Variants in AGAP1 observed in about 807,000 individuals in gnomAD.
The protein encoded by AGAP1 is ArfGAP with GTPase domain, ankyrin repeat and PH domain 1, also known as arf-GAP with GTPase, ANK repeat and PH domain-containing protein 1.
AGAP1 carries 29 observed loss-of-function variants against 105.3 expected under a neutral mutation model. The ratio of observed to expected loss-of-function variants is 0.28; its 90% CI spans 0.21 to 0.38. The LOEUF (loss-of-function observed/expected upper bound fraction) is 0.38. AGAP1 is among the 10% of genes least tolerant of loss of function. The pLI is 1.00. For missense variants in AGAP1, 998 were observed against 1,165.1 expected (o/e 0.86, Z 2.09); for synonymous variants, 509 against 485.9 (o/e 1.05, Z -0.63).
Position 235,578,231 on chromosome 2 carries a change from C to G in AGAP1, c.163+83382C>G, listed in dbSNP as rs372307822. Reference sequence around the variant, plus strand: ...CTGCCACTGTCAGAGCCAGCCTGAGCTCCACGGTGCCCGTCTCCTACCTGC... The same window carrying G: ...CTGCCACTGTCAGAGCCAGCCTGAGGTCCACGGTGCCCGTCTCCTACCTGC... On this transcript the variant is annotated intron_variant, in intron 1 of 17. Coordinates refer to ENST00000304032, the MANE Select transcript of AGAP1 (RefSeq NM_001037131.3). The surrounding 1 kb of genome is among the most constrained non-coding windows in gnomAD (Gnocchi z 4.9). 2.0e-5 allele frequency among the ~76,000 whole-genome samples: 3 copies of G among 152,166 alleles called. No homozygotes were observed. In the South Asian group the frequency reaches 6.2e-4, roughly 32 times the overall value.
chr2:236,095,122 CGTG>C lies in AGAP1; in HGVS notation c.2115-25064_2115-25062del. Among the ~76,000 whole-genome samples the C allele has an allele frequency of 6.7e-6, 1 of 150,172 alleles. No individual in the cohort carries two copies. The highest frequency in any genetic ancestry group is 1.5e-5 in the Non-Finnish European group (1 of 67,752). On this transcript the variant is annotated intron_variant, in intron 16 of 17. Coordinates refer to ENST00000304032, the MANE Select transcript of AGAP1 (RefSeq NM_001037131.3). This position sits in a 1 kb window ranked among gnomAD's most constrained non-coding sequence, Gnocchi z 4.1. ...AAAAAAGTTGTGGGGGCAGGGCAGGCGTGGTGGTTGACGCCTGTAATTCCAACA... is the reference window on the plus strand; with the variant it reads ...AAAAAAGTTGTGGGGGCAGGGCAGGCGTGGTTGACGCCTGTAATTCCAACA...
chr2:235,998,557 A>G (rs969276197), intron 13 of AGAP1, among the ~76,000 whole-genome samples: 14 of 151,082 alleles, frequency 9.3e-5, no homozygotes, highest in African/African-American at 3.4e-4. Flanking sequence ...ATGAGATAAT[A>G]CTTTAAGGCC....
In AGAP1 at chr2:235,753,784, T is replaced by C. The variant is rs77708253; in HGVS notation, c.673+3296T>C. ...GCTACAACTTCCGTGACTATTGCGATTTTTTTGTCCTTAAAATATTTTCAT... is the reference window on the plus strand; with the variant it reads ...GCTACAACTTCCGTGACTATTGCGACTTTTTTGTCCTTAAAATATTTTCAT... On this transcript the variant is annotated intron_variant, in intron 6 of 17. Coordinates refer to ENST00000304032, the MANE Select transcript of AGAP1 (RefSeq NM_001037131.3). The surrounding 1 kb of genome is among the most constrained non-coding windows in gnomAD (Gnocchi z 4.5). 6.6e-6 allele frequency among the ~76,000 whole-genome samples: 1 copy of C among 151,540 alleles called. No individual in the cohort carries two copies. The highest frequency in any genetic ancestry group is 2.4e-5 in the African/African-American group (1 of 40,876).
At chr2:235,735,089 A>G (rs62190867) in intron 3 of AGAP1, among the ~76,000 whole-genome samples, 17,793 of 118,980 alleles carry the variant, frequency 0.15, 431 homozygotes, top group Non-Finnish European at 0.22. Flanking sequence ...GGTGTTGCCA[A>G]TGATGTTTGC....
intron 1 of AGAP1, among the ~76,000 whole-genome samples, chr2:235,558,107 C>T (rs575073978): frequency 1.3e-5 from 2 of 152,264 alleles, no homozygotes; most frequent in East Asian, 3.9e-4. Flanking sequence ...TGGCGGCCTT[C>T]CCTGTGTGGA....
At chr2:235,796,742 G>A (rs1957261630) in intron 6 of AGAP1, among the ~76,000 whole-genome samples, 1 of 152,218 alleles carries the variant, frequency 6.6e-6, no homozygotes, top group Admixed American at 6.5e-5. Context: ...GAGATGACAA[G>A]TTCCTTTCCG....
intron 1 of AGAP1, chr2:235,507,674 A>C (rs1393550158): frequency 6.6e-6 from 1 of 151,994 alleles, no homozygotes; most frequent in Non-Finnish European, 1.5e-5. Flanking sequence ...TAGGACCCTC[A>C]TTTGTCAGGT....
chr2:235,823,846 T>C (rs1260436686), intron 9 of AGAP1, among the ~76,000 whole-genome samples: 2 of 152,192 alleles, frequency 1.3e-5, no homozygotes, highest in African/African-American at 4.8e-5. Context: ...GACCATCCTT[T>C]GTGTGTTTAT....
intron 1 of AGAP1, among the ~76,000 whole-genome samples, chr2:235,544,223 G>T (rs1393709267): frequency 6.6e-6 from 1 of 152,218 alleles, no homozygotes; most frequent in Non-Finnish European, 1.5e-5. Context: ...TTCAGGAGGG[G>T]TCTCTTCCTG....
At position 235,976,502 on chromosome 2, in the gene AGAP1, G is replaced by T. The variant is rs1020405757; in HGVS notation, c.1645+7879G>T. Among the ~76,000 whole-genome samples, 1 of 152,172 alleles carries T rather than the reference G, an allele frequency of 6.6e-6. No homozygotes were observed. Among genetic ancestry groups the T allele is most frequent in the African/African-American group, 2.4e-5 (1 of 41,436 alleles). Reference sequence around the variant, plus strand: ...AAGATTCCCATCGTGATGAACCGACGCACAGAAGGATGTTTGTAGTGTGGT... The same window carrying T: ...AAGATTCCCATCGTGATGAACCGACTCACAGAAGGATGTTTGTAGTGTGGT... On this transcript the variant is annotated intron_variant, in intron 13 of 17. Transcript: ENST00000304032. This position sits in a 1 kb window ranked among gnomAD's most constrained non-coding sequence, Gnocchi z 4.5.
At chr2:235,651,468 C>A (rs1054412767) in intron 1 of AGAP1, among the ~76,000 whole-genome samples, 6 of 152,050 alleles carry the variant, frequency 3.9e-5, no homozygotes, top group African/African-American at 1.4e-4. Flanking sequence ...TTAAACAGCC[C>A]ATACAAATAG....
chr2:235,619,796 G>A (rs1481450917), intron 1 of AGAP1, among the ~76,000 whole-genome samples: 1 of 152,216 alleles, frequency 6.6e-6, no homozygotes, highest in Non-Finnish European at 1.5e-5. Context: ...CAGCTCAAGT[G>A]TCTACCTCCT....
rs541961165 is a variant in AGAP1 at position 236,119,691 on chromosome 2, C to T, written c.2115-501C>T. 7.2e-5 allele frequency among the ~76,000 whole-genome samples: 11 copies of T among 152,132 alleles called. No homozygotes were observed. The highest frequency in any genetic ancestry group is 2.6e-4 in the African/African-American group (11 of 41,526). On this transcript the variant is annotated intron_variant, in intron 16 of 17. Coordinates refer to ENST00000304032, the MANE Select transcript of AGAP1 (RefSeq NM_001037131.3). This position sits in a 1 kb window ranked among gnomAD's most constrained non-coding sequence, Gnocchi z 6.6. The stretch of plus-strand genomic sequence containing the variant: ...ATGCTTCCATCGTGCGGTCCGTGCT[C>T]TCGGCCCCGGAGACCGTGCTTCCAT...
rs2056246777 is a variant in AGAP1 at position 236,004,417 on chromosome 2, A to G, written c.1646-32144A>G. Among the ~76,000 whole-genome samples, 7 of 152,372 alleles carry G rather than the reference A, an allele frequency of 4.6e-5. No individual in the cohort carries two copies. In the South Asian group the frequency reaches 1.0e-3, roughly 23 times the overall value. ...AGTGGGCCAAAGCTCATTTCTGATC[A>G]TTAAAAGCTAATCCTGAAAATTAGC... On this transcript the variant is annotated intron_variant, in intron 13 of 17. Coordinates refer to ENST00000304032, the MANE Select transcript of AGAP1 (RefSeq NM_001037131.3).
chr2:235,776,879 T>A (rs1356755375), intron 6 of AGAP1: 1 of 469,924 alleles, frequency 2.1e-6, no homozygotes, highest in Non-Finnish European at 4.4e-6. Flanking sequence ...TCCTAGCCCT[T>A]TCTTGGCTGC....
At chr2:235,772,368 C>G (rs1955530192) in intron 6 of AGAP1, among the ~76,000 whole-genome samples, 1 of 152,190 alleles carries the variant, frequency 6.6e-6, no homozygotes, top group South Asian at 2.1e-4. Context: ...CTGAGAAACT[C>G]TGATTTCTCT....
chr2:235,923,510 CCCCCACCCCA>C (rs80032387), intron 11 of AGAP1, among the ~76,000 whole-genome samples: 1 of 133,264 alleles, frequency 7.5e-6, no homozygotes, highest in Non-Finnish European at 1.6e-5. Flanking sequence ...GTCCCGTGCA[CCCCCACCCCA>C]CCCCACCCCA....
rs2149583952 is a variant in AGAP1, at chr2:235,725,497, T to C, written c.310+7853T>C. On this transcript the variant is annotated intron_variant, in intron 3 of 17. Coordinates refer to ENST00000304032, the MANE Select transcript of AGAP1 (RefSeq NM_001037131.3). The surrounding 1 kb of genome is among the most constrained non-coding windows in gnomAD (Gnocchi z 5.7). ...AAAGCTGTTCTTGGGTGCTGTTTAA[T>C]GTTCCAGTGGAAAAAAAAAAAAAAC... Among the ~76,000 whole-genome samples, 1 of 151,258 alleles carries C rather than the reference T, an allele frequency of 6.6e-6. No homozygotes were observed. Among genetic ancestry groups the C allele is most frequent in the East Asian group, 1.9e-4 (1 of 5,166 alleles).
chr2:235,896,960 C>T lies in AGAP1; in HGVS notation c.1156-11778C>T, dbSNP rs189551809. ...GTTTGGGATTTAAAAATAAAAGGGCCGAAAGCTATCCTCACGACATTTCAT... is the reference window on the plus strand; with the variant it reads ...GTTTGGGATTTAAAAATAAAAGGGCTGAAAGCTATCCTCACGACATTTCAT... On this transcript the variant is annotated intron_variant, in intron 10 of 17. Coordinates refer to ENST00000304032, the MANE Select transcript of AGAP1 (RefSeq NM_001037131.3). Among the ~76,000 whole-genome samples the T allele has an allele frequency of 3.9e-5, 6 of 152,260 alleles. No homozygotes were observed. The East Asian group carries it at 5.8e-4, about 15-fold the overall frequency.
Sources: gnomAD v4.1 joint callset for allele counts (sites outside exome capture counted in the v4.1 genomes callset) on GRCh38, gnomAD v4.1.1 for gene constraint, Gnocchi (gnomAD v3.1) non-coding constraint, MANE v1.5 for transcripts, NCBI Gene and HGNC (gene_info 2026-07-23, HGNC 2026-07-21) for gene names.